TTC3: variants seen among roughly 807,000 people sequenced by gnomAD.
TTC3 encodes tetratricopeptide repeat domain 3, also known as E3 ubiquitin-protein ligase TTC3.
A neutral mutation model predicts 249.6 loss-of-function variants in TTC3; 180 were observed. The ratio of observed to expected loss-of-function variants is 0.72; its 90% CI spans 0.64 to 0.82. The LOEUF (loss-of-function observed/expected upper bound fraction) is 0.82, where lower values mean the gene tolerates loss of function less well. Ranked by LOEUF, TTC3 falls within the 40% of genes least tolerant of loss-of-function variation. The probability of loss-of-function intolerance (pLI) is 0.00; values close to 1 mark genes in which losing one functional copy is unlikely to be tolerated. For missense variants in TTC3, 2,061 were observed against 2,398.4 expected (o/e 0.86, Z 2.94); for synonymous variants, 717 against 805.0 (o/e 0.89, Z 1.85).
chr21:37,096,351 T>C (rs1417952286), intron 9 of TTC3, among the ~76,000 whole-genome samples: 1 of 152,222 alleles, frequency 6.6e-6, no homozygotes, highest in Non-Finnish European at 1.5e-5. Context: ...ACTAGAGTTA[T>C]CTTCATTTTG....
At chr21:37,121,697 G>C (rs1364849641) in intron 11 of TTC3, 120 bp from the exon 12 acceptor site, 6 of 897,802 alleles carry the variant, frequency 6.7e-6, no homozygotes, top group Admixed American at 3.5e-5. Flanking sequence ...TTCATTGGTA[G>C]GGACCTAATC....
chr21:37,201,478 G>A (rs755249832), exon 46 of TTC3: 9 of 1,613,862 alleles, frequency 5.6e-6, no homozygotes, highest in South Asian at 5.5e-5. Flanking sequence ...GCGCTTGCCC[G>A]GCCTGCCAGG....
intron 1 of TTC3, among the ~76,000 whole-genome samples, chr21:37,074,825 A>G (rs1301970200): frequency 1.3e-5 from 2 of 152,028 alleles, no homozygotes; most frequent in South Asian, 2.1e-4. Context: ...GTTCTGCCCA[A>G]TTTTCTTATT....
chr21:37,168,120 T>A (rs1453725600), intron 34 of TTC3, among the ~76,000 whole-genome samples: 1 of 152,154 alleles, frequency 6.6e-6, no homozygotes, highest in African/African-American at 2.4e-5. Flanking sequence ...AACTCAAAGT[T>A]GCTGTAAAGG....
At chr21:37,115,300 G>C (rs2076048766) in intron 11 of TTC3, among the ~76,000 whole-genome samples, 1 of 152,050 alleles carries the variant, frequency 6.6e-6, no homozygotes, top group African/African-American at 2.4e-5. Flanking sequence ...CCTCCACACA[G>C]AACCCACTAT....
At chr21:37,124,538 A>G in intron 13 of TTC3, 81 bp from the exon 14 acceptor site, 2 of 1,472,264 alleles carry the variant, frequency 1.4e-6, no homozygotes, top group Non-Finnish European at 1.9e-6. Flanking sequence ...TCAAGGAAAA[A>G]AGGCTGTGAT....
chr21:37,147,662 CA>C, intron 22 of TTC3, 59 bp downstream of exon 22: 1 of 1,544,308 alleles, frequency 6.5e-7, no homozygotes, highest in Non-Finnish European at 8.7e-7. Context: ...AAAATGGGCT[CA>C]AAACAATCTG....
intron 36 of TTC3, among the ~76,000 whole-genome samples, chr21:37,184,160 G>GTAAA (rs1188382411): frequency 6.6e-6 from 1 of 152,168 alleles, no homozygotes; most frequent in African/African-American, 2.4e-5. Flanking sequence ...AATAATGTCT[G>GTAAA]TAAAGCTTTT....
chr21:37,147,731 A>ATTTTTTT, intron 22 of TTC3, 128 bp downstream of exon 22: 2 of 847,052 alleles, frequency 2.4e-6, no homozygotes, highest in Admixed American at 4.2e-5. Context: ...CTTTCCCAGG[A>ATTTTTTT]TTTTTTTTTT....
At chr21:37,090,211 AT>A (rs768345326) in intron 5 of TTC3, 21 bp from the exon 6 acceptor site, 19 of 1,567,032 alleles carry the variant, frequency 1.2e-5, no homozygotes, top group Non-Finnish European at 1.7e-5. Flanking sequence ...AGGAAAAAAT[AT>A]GTCCTTTTTT....
At chr21:37,148,456 C>G (rs1360599421) in intron 22 of TTC3, 90 bp from the exon 23 acceptor site, 16 of 563,270 alleles carry the variant, frequency 2.8e-5, no homozygotes, top group Admixed American at 1.3e-4. Context: ...ATATGTTAGT[C>G]AAGCTCTCTC....
At chr21:37,115,204 G>A (rs1038395842) in intron 11 of TTC3, among the ~76,000 whole-genome samples, 6 of 70,252 alleles carry the variant, frequency 8.5e-5, no homozygotes, top group Non-Finnish European at 1.5e-4. Flanking sequence ...TAATAATAAA[G>A]AAACTATTTC....
intron 10 of TTC3, among the ~76,000 whole-genome samples, chr21:37,103,061 C>T (rs1206502765): frequency 6.6e-5 from 10 of 152,144 alleles, no homozygotes; most frequent in Non-Finnish European, 7.3e-5. Context: ...ATTAGTGTCC[C>T]TCCCTCACCA....
chr21:37,109,981 C>A (rs533523098), intron 11 of TTC3, among the ~76,000 whole-genome samples: 1 of 152,320 alleles, frequency 6.6e-6, no homozygotes, highest in East Asian at 1.9e-4. Context: ...TAAACTCCAA[C>A]AGACCTGCAG....
chr21:37,151,120 T>G (rs986620780), intron 25 of TTC3, among the ~76,000 whole-genome samples: 1 of 152,190 alleles, frequency 6.6e-6, no homozygotes, highest in Non-Finnish European at 1.5e-5. Context: ...AATTTACAAT[T>G]AAAATTATAA....
At chr21:37,192,070 T>C in intron 40 of TTC3, 42 bp from the exon 41 acceptor site, 1 of 1,219,382 alleles carries the variant, frequency 8.2e-7, no homozygotes, top group Non-Finnish European at 1.2e-6. Flanking sequence ...AAAGTATTAA[T>C]TGACAATTGT....
rs1189368619 is a variant in TTC3, at chr21:37,138,657, C to CTA, written c.1604_1605dup (p.Val536MetfsTer15). On this transcript the variant is annotated frameshift_variant, in exon 19 of 46. Coordinates refer to ENST00000355666, the Ensembl canonical transcript of TTC3. LOFTEE classifies it high-confidence loss of function. The stretch of plus-strand genomic sequence containing the variant: ...AGCAATTGAACCTGGCCATGATTAA[C>CTA]TATGTTTTGGTCGTCTATGGACTTG... The CTA allele has an allele frequency of 6.2e-7, 1 of 1,611,890 alleles. No homozygotes were observed. The highest frequency in any genetic ancestry group is 8.5e-7 in the Non-Finnish European group (1 of 1,178,810).
intron 10 of TTC3, among the ~76,000 whole-genome samples, chr21:37,101,557 A>G (rs962855420): frequency 6.2e-5 from 1 of 16,038 alleles, no homozygotes; most frequent in African/African-American, 2.8e-4. Context: ...ACAGAGTAGG[A>G]AAAGGTACAC....
chr21:37,152,215 A>C (rs535620781), intron 26 of TTC3, among the ~76,000 whole-genome samples, 186 bp downstream of exon 26: 6 of 152,182 alleles, frequency 3.9e-5, no homozygotes, highest in African/African-American at 1.4e-4. Flanking sequence ...AACACTGAAA[A>C]ACCTTTCAGA....
Sources: gnomAD v4.1 joint callset for allele counts (sites outside exome capture counted in the v4.1 genomes callset) on GRCh38, gnomAD v4.1.1 for gene constraint, MANE v1.5 for transcripts, NCBI Gene and HGNC (gene_info 2026-07-23, HGNC 2026-07-21) for gene names.